SLC25A13: variants seen among roughly 807,000 people sequenced by gnomAD.
The protein encoded by SLC25A13 is solute carrier family 25 member 13, also known as electrogenic aspartate/glutamate antiporter SLC25A13, mitochondrial.
Under a neutral mutation model 85.5 loss-of-function variants are expected in SLC25A13, and 70 were observed. The ratio of observed to expected loss-of-function variants is 0.82; its 90% CI spans 0.68 to 1.00. The LOEUF (loss-of-function observed/expected upper bound fraction) is 1.00. Among genes scored for constraint, SLC25A13 ranks in the 50% least tolerant of loss-of-function variants. SLC25A13 has a pLI of 0.00. For synonymous variants in SLC25A13, 259 were observed against 288.7 expected, an observed-to-expected ratio of 0.90 and a Z score of 1.04; for missense variants, 765 against 819.8, an observed-to-expected ratio of 0.93 and a Z score of 0.82.
chr7:96,131,103 G>C (rs1584348394), intron 15 of SLC25A13, among the ~76,000 whole-genome samples: 1 of 151,776 alleles, frequency 6.6e-6, no homozygotes, highest in African/African-American at 2.4e-5. Flanking sequence ...AGCTAATCCA[G>C]ACTGTTCCTG....
chr7:96,189,719 G>T, intron 7 of SLC25A13, 45 bp from the exon 8 acceptor site: 1 of 1,509,870 alleles, frequency 6.6e-7, no homozygotes, highest in Non-Finnish European at 9.2e-7. Context: ...AGAAGAAATA[G>T]CCACTAAATT....
chr7:96,192,946 G>A, intron 6 of SLC25A13, 91 bp downstream of exon 6: 1 of 1,395,836 alleles, frequency 7.2e-7, no homozygotes, highest in Non-Finnish European at 1.0e-6. Flanking sequence ...GTTTGCAACA[G>A]AAAAAAAACA....
At chr7:96,283,373 GA>G in intron 2 of SLC25A13, 2 of 348,132 alleles carry the variant, frequency 5.7e-6, no homozygotes, top group South Asian at 2.7e-5. Context: ...AACACAAAGG[GA>G]AAGAGGAGAG....
At chr7:96,261,813 G>A (rs1797863340) in intron 3 of SLC25A13, among the ~76,000 whole-genome samples, 1 of 152,154 alleles carries the variant, frequency 6.6e-6, no homozygotes, top group Admixed American at 6.6e-5. Context: ...CCAAGATCAA[G>A]GCACTGACAT....
chr7:96,244,255 T>G (rs533986722), intron 3 of SLC25A13, among the ~76,000 whole-genome samples: 25 of 152,226 alleles, frequency 1.6e-4, no homozygotes, highest in African/African-American at 5.8e-4. Context: ...AGGCACAGAC[T>G]CTGAGGCTTG....
intron 3 of SLC25A13, among the ~76,000 whole-genome samples, chr7:96,243,010 G>A (rs1244034671): frequency 6.6e-6 from 1 of 152,134 alleles, no homozygotes; most frequent in African/African-American, 2.4e-5. Context: ...TGTTGCCCAG[G>A]CTGGAGTGCA....
intron 14 of SLC25A13, among the ~76,000 whole-genome samples, chr7:96,145,102 C>A (rs1189344742): frequency 6.6e-6 from 1 of 152,078 alleles, no homozygotes; most frequent in Non-Finnish European, 1.5e-5. Flanking sequence ...AGCTATAGAA[C>A]ATTGTGTTAT....
intron 3 of SLC25A13, among the ~76,000 whole-genome samples, chr7:96,270,312 T>C (rs935621399): frequency 3.3e-5 from 5 of 152,148 alleles, no homozygotes; most frequent in Admixed American, 3.3e-4. Context: ...TCCCAGCACT[T>C]TGGGAGGCCA....
At chr7:96,207,038 C>T (rs1795489308) in intron 5 of SLC25A13, among the ~76,000 whole-genome samples, 1 of 152,190 alleles carries the variant, frequency 6.6e-6, no homozygotes, top group Non-Finnish European at 1.5e-5. Flanking sequence ...TACAGCACAA[C>T]AATGTCCTGT....
chr7:96,233,949 C>T (rs895706194), intron 4 of SLC25A13, among the ~76,000 whole-genome samples: 18 of 152,002 alleles, frequency 1.2e-4, no homozygotes, highest in African/African-American at 7.3e-5. Flanking sequence ...ATGCCACATT[C>T]TCCCTAATCT....
At position 96,275,997 on chromosome 7, in the gene SLC25A13, C is replaced by T. The variant is rs1798435832; in HGVS notation, c.212+1199G>A. Among the ~76,000 whole-genome samples, 3 of 152,150 alleles carry T rather than the reference C, an allele frequency of 2.0e-5. No individual in the cohort carries two copies. The South Asian group carries it at 6.2e-4, about 32-fold the overall frequency. The stretch of plus-strand genomic sequence containing the variant: ...ACATGGGTTATATCTCAAACTGCTG[C>T]ATGTGGGAAAATCAGACACATGAAG... On this transcript the variant is annotated intron_variant, in intron 3 of 17. Coordinates refer to ENST00000265631, the MANE Select transcript of SLC25A13 (RefSeq NM_014251.3).
chr7:96,132,801 C>T (rs1245703870), intron 14 of SLC25A13, among the ~76,000 whole-genome samples: 1 of 152,066 alleles, frequency 6.6e-6, no homozygotes, highest in Non-Finnish European at 1.5e-5. Context: ...TGAATCCAGC[C>T]AGAGTCAACA....
intron 1 of SLC25A13, among the ~76,000 whole-genome samples, chr7:96,302,847 G>A (rs1799600317): frequency 6.6e-6 from 1 of 152,152 alleles, no homozygotes; most frequent in Admixed American, 6.5e-5. Flanking sequence ...TCAGAAACTG[G>A]GTGAGGCCCA....
chr7:96,232,331 T>TCA (rs1796571621), intron 4 of SLC25A13, among the ~76,000 whole-genome samples: 1 of 151,312 alleles, frequency 6.6e-6, no homozygotes, highest in Non-Finnish European at 1.5e-5. Context: ...CAAACTAATG[T>TCA]GGGAACAGAA....
chr7:96,269,922 A>T (rs1199330567), intron 3 of SLC25A13, among the ~76,000 whole-genome samples: 1 of 152,196 alleles, frequency 6.6e-6, no homozygotes. Context: ...ACTCATAGAA[A>T]CAGAGAGCAG....
chr7:96,189,712 A>C, intron 7 of SLC25A13, 38 bp from the exon 8 acceptor site: 1 of 1,538,840 alleles, frequency 6.5e-7, no homozygotes, highest in Non-Finnish European at 9.0e-7. Context: ...AGATTCAAGA[A>C]GAAATAGCCA....
intron 4 of SLC25A13, among the ~76,000 whole-genome samples, chr7:96,229,559 C>T (rs544233301): frequency 5.9e-5 from 9 of 152,250 alleles, no homozygotes; most frequent in African/African-American, 2.2e-4. Flanking sequence ...CTTGCTGCTG[C>T]TCACTCTTTG....
chr7:96,289,631 A>G (rs1163783901), intron 2 of SLC25A13, among the ~76,000 whole-genome samples: 1 of 152,236 alleles, frequency 6.6e-6, no homozygotes, highest in Non-Finnish European at 1.5e-5. Context: ...TCAGTAGCCG[A>G]TTCGATCAAC....
rs757915456 is a variant in SLC25A13, at chr7:96,234,926, TAAAAC to T, written c.213-14_213-10del. The T allele has an allele frequency of 3.7e-6, 6 of 1,603,552 alleles. No individual in the cohort carries two copies. The East Asian group carries it at 1.1e-4, about 30-fold the overall frequency. ...CTTGAAAAGATATTAATCTGCAACA[TAAAAC>T]AAACATAAAGCAAAAGTCAGTAGCT... On this transcript the variant is annotated splice_polypyrimidine_tract_variant and intron_variant, in intron 3 of 17. Coordinates refer to ENST00000265631, the MANE Select transcript of SLC25A13 (RefSeq NM_014251.3).
Sources: gnomAD v4.1 joint callset for allele counts (sites outside exome capture counted in the v4.1 genomes callset) on GRCh38, gnomAD v4.1.1 for gene constraint, MANE v1.5 for transcripts, NCBI Gene and HGNC (gene_info 2026-07-23, HGNC 2026-07-21) for gene names.